The following KLHL32 variants were observed in gnomAD, a reference collection of about 807,000 sequenced individuals.
KLHL32 encodes kelch-like protein 32.
Under a neutral mutation model 64.8 loss-of-function variants are expected in KLHL32, and 35 were observed. The observed-to-expected ratio is 0.54, with a 90% CI of 0.41 to 0.72. The LOEUF (loss-of-function observed/expected upper bound fraction) is 0.72, where lower values mean the gene tolerates loss of function less well. Ranked by LOEUF, KLHL32 falls within the 30% of genes least tolerant of loss-of-function variation. The pLI is 0.00. For synonymous variants in KLHL32, 259 were observed against 281.0 expected, an observed-to-expected ratio of 0.92 and a Z score of 0.78; for missense variants, 589 against 768.5, an observed-to-expected ratio of 0.77 and a Z score of 2.76.
At chr6:97,022,768 C>A (rs1300174664) in intron 3 of KLHL32, among the ~76,000 whole-genome samples, 1 of 152,156 alleles carries the variant, frequency 6.6e-6, no homozygotes, top group Non-Finnish European at 1.5e-5. Context: ...TGGCGCCCAG[C>A]CCTGATCACC....
intron 1 of KLHL32, among the ~76,000 whole-genome samples, chr6:96,949,354 C>CT (rs1195878107): frequency 1.3e-5 from 2 of 152,078 alleles, no homozygotes; most frequent in Non-Finnish European, 2.9e-5. Flanking sequence ...TCATGCAATT[C>CT]TTTTTGCCAT....
Position 96,949,154 on chromosome 6 carries a change from T to G in KLHL32, c.-65-17842T>G, listed in dbSNP as rs529539594. On this transcript the variant is annotated intron_variant, in intron 1 of 10. Coordinates refer to ENST00000369261, the MANE Select transcript of KLHL32 (RefSeq NM_052904.4). ...TATTTACTGTTTATTCTTCTTAGAA[T>G]GTAAGTTCTGTGAAAATAGGGACAT... Among the ~76,000 whole-genome samples, 9 of 152,356 alleles carry G rather than the reference T, an allele frequency of 5.9e-5. No individual in the cohort carries two copies. The East Asian group carries it at 1.7e-3, about 29-fold the overall frequency.
intron 2 of KLHL32, among the ~76,000 whole-genome samples, chr6:96,967,827 C>T (rs547790179): frequency 2.0e-5 from 3 of 152,294 alleles, no homozygotes; most frequent in African/African-American, 7.2e-5. Context: ...CTGAGAAAGG[C>T]TGTATACCTG....
chr6:97,102,458 C>T (rs1227289970), intron 6 of KLHL32, among the ~76,000 whole-genome samples: 1 of 151,838 alleles, frequency 6.6e-6, no homozygotes. Flanking sequence ...CTAAATACCT[C>T]AGTGACCACA....
At chr6:97,014,335 T>C (rs1171209190) in intron 3 of KLHL32, among the ~76,000 whole-genome samples, 1 of 151,994 alleles carries the variant, frequency 6.6e-6, no homozygotes, top group Non-Finnish European at 1.5e-5. Context: ...ATCTGTAAAT[T>C]ATTATTTGCA....
At chr6:96,953,896 T>C (rs149886325) in intron 1 of KLHL32, among the ~76,000 whole-genome samples, 7 of 151,996 alleles carry the variant, frequency 4.6e-5, no homozygotes, top group African/African-American at 1.7e-4. Context: ...TTATCAACAA[T>C]TCAATCCTCA....
At chr6:96,905,380 G>C in the KLHL32 span, among the ~76,000 whole-genome samples, 1 of 152,104 alleles carries the variant, frequency 6.6e-6, no homozygotes, top group Non-Finnish European at 1.5e-5. Context: ...CAGAGCTAGG[G>C]TCTGTGTTTG....
chr6:97,035,428 AT>A (rs990563824), intron 3 of KLHL32, among the ~76,000 whole-genome samples: 3 of 151,814 alleles, frequency 2.0e-5, no homozygotes, highest in African/African-American at 7.3e-5. Context: ...TGCCAGTGAG[AT>A]TTATGTTTTC....
intron 3 of KLHL32, among the ~76,000 whole-genome samples, chr6:96,984,324 T>C (rs892263441): frequency 6.6e-6 from 1 of 152,214 alleles, no homozygotes; most frequent in African/African-American, 2.4e-5. Context: ...TTGGAATAAG[T>C]GCAGTGTGGC....
intron 3 of KLHL32, among the ~76,000 whole-genome samples, chr6:97,024,391 TTTG>T (rs1782429041): frequency 6.7e-6 from 1 of 148,988 alleles, no homozygotes; most frequent in Admixed American, 6.8e-5. Context: ...TATGTGGGTT[TTTG>T]TTGTTGCTTT....
At position 97,140,574 on chromosome 6, in the gene KLHL32, T is replaced by C. The variant is rs1039369544; in HGVS notation, c.*1292T>C. ...ACAAATTTAACAAGTATAATGTGAG[T>C]TTTTCTTTTTTCCTAACTTCCTCAG... On this transcript the variant is annotated 3_prime_UTR_variant, in exon 11 of 11. Coordinates refer to ENST00000369261, the MANE Select transcript of KLHL32 (RefSeq NM_052904.4). The C allele has an allele frequency of 2.0e-5, 3 of 151,976 alleles. No individual in the cohort carries two copies. Among genetic ancestry groups the C allele is most frequent in the Non-Finnish European group, 4.4e-5 (3 of 67,828 alleles). The allele number at this position is 151,976 out of a possible 1,614,324, so 9.4% of individuals were successfully genotyped here. A position where few individuals can be genotyped will look rare whatever the true frequency, so the allele number is the denominator to read the frequency against.
At chr6:97,053,788 G>A (rs1266755270) in intron 4 of KLHL32, among the ~76,000 whole-genome samples, 1 of 151,200 alleles carries the variant, frequency 6.6e-6, no homozygotes, top group African/African-American at 2.4e-5. Flanking sequence ...TAAATTTATT[G>A]TGTACTATGC....
At chr6:97,121,044 A>G (rs1024757949) in intron 7 of KLHL32, among the ~76,000 whole-genome samples, 36 of 152,334 alleles carry the variant, frequency 2.4e-4, no homozygotes, top group African/African-American at 8.4e-4. Context: ...GATCACCTAC[A>G]TTCTCCAAAT....
chr6:97,026,313 A>C (rs2128109288), intron 3 of KLHL32, among the ~76,000 whole-genome samples: 1 of 152,190 alleles, frequency 6.6e-6, no homozygotes, highest in Non-Finnish European at 1.5e-5. Context: ...TCGAGGTTGC[A>C]GTGAGCTATG....
chr6:97,053,799 CTTTTATTTATATACTATGCAT>C (rs1426661933), intron 4 of KLHL32, among the ~76,000 whole-genome samples: 1 of 150,914 alleles, frequency 6.6e-6, no homozygotes, highest in African/African-American at 2.4e-5. Flanking sequence ...TGTACTATGC[CTTTTATTTATATACTATGCAT>C]TTTTATTTAT....
intron 5 of KLHL32, among the ~76,000 whole-genome samples, chr6:97,078,281 G>A (rs1224913725): frequency 6.6e-6 from 1 of 152,110 alleles, no homozygotes; most frequent in African/African-American, 2.4e-5. Context: ...TTTTATATAA[G>A]AACTTCATGT....
intron 3 of KLHL32, among the ~76,000 whole-genome samples, chr6:97,025,687 C>G (rs76697681): frequency 6.6e-6 from 1 of 152,058 alleles, no homozygotes; most frequent in African/African-American, 2.4e-5. Flanking sequence ...GAGGGAGGCA[C>G]CTGAGTAGGC....
chr6:97,037,453 A>G (rs1784466221), intron 3 of KLHL32, among the ~76,000 whole-genome samples: 1 of 152,164 alleles, frequency 6.6e-6, no homozygotes, highest in African/African-American at 2.4e-5. Context: ...CAAAGAATAT[A>G]AAATACCTAG....
intron 3 of KLHL32, among the ~76,000 whole-genome samples, chr6:96,986,729 T>C (rs1016929488): frequency 2.6e-5 from 4 of 152,142 alleles, no homozygotes; most frequent in African/African-American, 9.7e-5. Flanking sequence ...AAAAGCACAG[T>C]ATTAGGGTGG....
Sources: gnomAD v4.1 joint callset for allele counts (sites outside exome capture counted in the v4.1 genomes callset) on GRCh38, gnomAD v4.1.1 for gene constraint, MANE v1.5 for transcripts, NCBI Gene and HGNC (gene_info 2026-07-23, HGNC 2026-07-21) for gene names.